The following PPP2R5D variants were observed in gnomAD, a reference collection of about 807,000 sequenced individuals.
PPP2R5D encodes the protein serine/threonine-protein phosphatase 2A 56 kDa regulatory subunit delta isoform.
In PPP2R5D, 12 loss-of-function variants were observed where a neutral mutation model predicts 79.1. That is an observed-to-expected ratio of 0.15 (90% CI 0.10 to 0.25). PPP2R5D has a LOEUF of 0.25. Among genes scored for constraint, PPP2R5D ranks in the 10% least tolerant of loss-of-function variants. The pLI, the probability that PPP2R5D is intolerant of heterozygous loss-of-function variation, is 1.00. For synonymous variants in PPP2R5D, 277 were observed against 286.6 expected (o/e 0.97, Z 0.34); for missense variants, 419 against 760.2 (o/e 0.55, Z 5.28).
At chr6:42,991,285 T>TAG (rs1771247743) in intron 2 of PPP2R5D, among the ~76,000 whole-genome samples, 1 of 152,188 alleles carries the variant, frequency 6.6e-6, no homozygotes, top group Non-Finnish European at 1.5e-5. Flanking sequence ...ACTTGACATT[T>TAG]AGAGCAGCAA....
intron 2 of PPP2R5D, among the ~76,000 whole-genome samples, chr6:43,002,173 T>TC (rs1454195608): frequency 6.6e-6 from 1 of 151,812 alleles, no homozygotes; most frequent in African/African-American, 2.4e-5. Flanking sequence ...GTTCTTTTTT[T>TC]TTTTTTTTGA....
chr6:42,991,430 C>T (rs1185144404), intron 2 of PPP2R5D, among the ~76,000 whole-genome samples: 1 of 152,180 alleles, frequency 6.6e-6, no homozygotes, highest in East Asian at 1.9e-4. Flanking sequence ...CCTTCTTTGA[C>T]CACCCACCCC....
chr6:42,986,505 T>C (rs1423216661), intron 1 of PPP2R5D, among the ~76,000 whole-genome samples: 1 of 152,148 alleles, frequency 6.6e-6, no homozygotes, highest in Admixed American at 6.6e-5. Context: ...CCTGAGGTTC[T>C]AAGTACAGGG....
intron 2 of PPP2R5D, among the ~76,000 whole-genome samples, chr6:42,994,836 T>A (rs1254123322): frequency 6.9e-6 from 1 of 144,632 alleles, no homozygotes; most frequent in African/African-American, 2.7e-5. Flanking sequence ...AAAAAAAAAA[T>A]TAATGTCATA....
intron 2 of PPP2R5D, among the ~76,000 whole-genome samples, chr6:42,995,073 C>T (rs1372865387): frequency 6.6e-6 from 1 of 151,782 alleles, no homozygotes; most frequent in African/African-American, 2.4e-5. Flanking sequence ...GAGCTGGCCC[C>T]ACTCTTCTTC....
intron 2 of PPP2R5D, among the ~76,000 whole-genome samples, chr6:42,994,785 T>G (rs1220578019): frequency 7.0e-6 from 1 of 143,406 alleles, no homozygotes; most frequent in African/African-American, 2.6e-5. Flanking sequence ...GCCATTGCAC[T>G]CCAGCCTGGG....
chr6:43,005,631 T>G (rs1762032321), intron 2 of PPP2R5D, among the ~76,000 whole-genome samples: 2 of 152,124 alleles, frequency 1.3e-5, no homozygotes, highest in South Asian at 2.1e-4. Flanking sequence ...GTTTTGTTTT[T>G]TTTTTTTGAG....
intron 2 of PPP2R5D, among the ~76,000 whole-genome samples, chr6:43,005,747 A>C (rs561941378): frequency 1.9e-4 from 28 of 150,898 alleles, no homozygotes; most frequent in Admixed American, 5.3e-4. Context: ...TCAGCCTCCC[A>C]AGTAGCTGGG....
chr6:43,010,229 A>C lies in PPP2R5D; in HGVS notation c.1380-239A>C, dbSNP rs886301214. ...AGGATGGGAGGTAGGCAGGCCTTGG[A>C]GCATGGGGTGAGGGAAGGATGGACA... On this transcript the variant is annotated intron_variant, in intron 12 of 15. Transcript: ENST00000485511. This position sits in a 1 kb window ranked among gnomAD's most constrained non-coding sequence, Gnocchi z 4.7. 9.9e-5 allele frequency among the ~76,000 whole-genome samples: 15 copies of C among 152,140 alleles called. No homozygotes were observed. The highest frequency in any genetic ancestry group is 3.6e-4 in the African/African-American group (15 of 41,426).
At position 43,012,169 on chromosome 6, in the gene PPP2R5D, GA is replaced by G. The variant is rs1158886450; in HGVS notation, c.*884del. The G allele has an allele frequency of 9.1e-6, 10 of 1,096,072 alleles. No individual in the cohort carries two copies. In the Admixed American group the frequency reaches 1.5e-4, roughly 16 times the overall value. The allele number at this position is 1,096,072 out of a possible 1,614,324, so 67.9% of individuals were successfully genotyped here. A position where few individuals can be genotyped will look rare whatever the true frequency, so the allele number is the denominator to read the frequency against. ...TCTCTTGTCCCTTATAGGTACCTTG[GA>G]GGGGCCAGGGGCTGAGGAAGGCCGG... On this transcript the variant is annotated 3_prime_UTR_variant, in exon 16 of 16. Coordinates refer to ENST00000485511, the MANE Select transcript of PPP2R5D (RefSeq NM_006245.4).
rs773908985 is a variant in PPP2R5D at position 43,009,044 on chromosome 6, CCTT to C, written c.1081-12_1081-10del. 1.9e-6 allele frequency: 3 copies of C among 1,612,590 alleles called. No homozygotes were observed. Among genetic ancestry groups the C allele is most frequent in the Admixed American group, 3.3e-5 (2 of 59,906 alleles). ...CAAAGAATTTTCATCCCCATGCCCT[CCTT>C]GTCTCCCAGGTAATTGTGGGACTTC... On this transcript the variant is annotated splice_polypyrimidine_tract_variant and intron_variant, in intron 10 of 15. Transcript: ENST00000485511. The surrounding 1 kb of genome is among the most constrained non-coding windows in gnomAD (Gnocchi z 5.6).
chr6:42,993,027 T>G (rs1379990638), intron 2 of PPP2R5D, among the ~76,000 whole-genome samples: 2 of 151,818 alleles, frequency 1.3e-5, no homozygotes, highest in African/African-American at 4.8e-5. Context: ...CTGGGCATGG[T>G]GGCTCACACC....
Position 43,010,437 on chromosome 6 carries a change from T to C in PPP2R5D, c.1380-31T>C, listed in dbSNP as rs1315688455. The C allele has an allele frequency of 1.9e-6, 3 of 1,598,958 alleles. No homozygotes were observed. Among genetic ancestry groups the C allele is most frequent in the Non-Finnish European group, 2.6e-6 (3 of 1,166,612 alleles). On this transcript the variant is annotated intron_variant, in intron 12 of 15. Transcript: ENST00000485511. This position sits in a 1 kb window ranked among gnomAD's most constrained non-coding sequence, Gnocchi z 4.7. ...CTCACGCTAAGGGCAGGCTCTGGCC[T>C]CCTACACCTCATCTTTCTTCTTGGT...
At chr6:43,004,098 C>G (rs1761926771) in intron 2 of PPP2R5D, among the ~76,000 whole-genome samples, 1 of 151,938 alleles carries the variant, frequency 6.6e-6, no homozygotes, top group Non-Finnish European at 1.5e-5. Flanking sequence ...GCTCAGCTCA[C>G]TGCAACGTCC....
intron 2 of PPP2R5D, among the ~76,000 whole-genome samples, chr6:42,996,498 A>C (rs1771707508): frequency 6.6e-6 from 1 of 151,836 alleles, no homozygotes; most frequent in African/African-American, 2.4e-5. Flanking sequence ...AATAAGGGCC[A>C]AAAAAGAAAA....
intron 2 of PPP2R5D, 133 bp downstream of exon 2, chr6:42,989,821 C>A: frequency 1.2e-6 from 1 of 809,802 alleles, no homozygotes; most frequent in Non-Finnish European, 1.9e-6. Flanking sequence ...ACCTGGACAG[C>A]CCATCCAGAC....
At chr6:42,993,683 C>G (rs1052027891) in intron 2 of PPP2R5D, among the ~76,000 whole-genome samples, 1 of 152,232 alleles carries the variant, frequency 6.6e-6, no homozygotes, top group Non-Finnish European at 1.5e-5. Flanking sequence ...CTTCACACAG[C>G]ATTCTCCTCC....
At chr6:42,988,358 CAG>C (rs1771006985) in intron 1 of PPP2R5D, among the ~76,000 whole-genome samples, 1 of 152,170 alleles carries the variant, frequency 6.6e-6, no homozygotes, top group Non-Finnish European at 1.5e-5. Context: ...TGAATGTTCT[CAG>C]GGGTTGGGGA....
rs1762316429 is a variant in PPP2R5D, at chr6:43,010,826, A to C, written c.1555-55A>C. The C allele has an allele frequency of 6.3e-7, 1 of 1,594,436 alleles. No individual in the cohort carries two copies. Among genetic ancestry groups the C allele is most frequent in the South Asian group, 1.1e-5 (1 of 90,170 alleles). ...GTTGGGGGAGGAATATGGGGCACAC[A>C]GGCCCCCAAGCCTCTGAAGTGGCTC... On this transcript the variant is annotated intron_variant, in intron 14 of 15. Transcript: ENST00000485511. This position sits in a 1 kb window ranked among gnomAD's most constrained non-coding sequence, Gnocchi z 4.7.
Sources: allele counts gnomAD v4.1 joint callset (sites outside exome capture counted in the v4.1 genomes callset), GRCh38; gene constraint gnomAD v4.1.1; non-coding constraint Gnocchi (gnomAD v3.1); transcripts MANE v1.5; gene names NCBI Gene and HGNC (gene_info 2026-07-23, HGNC 2026-07-21).